GLYR1: variants seen among roughly 807,000 people sequenced by gnomAD.
The protein encoded by GLYR1 is glyoxylate reductase 1 homolog, also known as cytokine-like nuclear factor N-PAC.
A neutral mutation model predicts 72.7 loss-of-function variants in GLYR1; 21 were observed. That is an observed-to-expected ratio of 0.29 (90% CI 0.20 to 0.42). The LOEUF is 0.42. Among genes scored for constraint, GLYR1 ranks in the 10% least tolerant of loss-of-function variants. The probability of loss-of-function intolerance (pLI) is 1.00; values close to 1 mark genes in which losing one functional copy is unlikely to be tolerated. For missense variants in GLYR1, 594 were observed against 712.1 expected, an observed-to-expected ratio of 0.83 and a Z score of 1.89; for synonymous variants, 392 against 270.2, an observed-to-expected ratio of 1.45 and a Z score of -4.42.
In GLYR1 at chr16:4,846,207, C is replaced by A; in HGVS notation, c.42G>T (p.Gly14=). 1 of 1,613,888 alleles carries A rather than the reference C, an allele frequency of 6.2e-7. No homozygotes were observed. Among genetic ancestry groups the A allele is most frequent in the African/African-American group, 1.3e-5 (1 of 75,042 alleles). Residue 14 remains glycine, a synonymous_variant, in exon 2 of 16, where the codon GGG becomes GGT. Transcript: ENST00000321919. The stretch of plus-strand genomic sequence containing the variant: ...GCCAAGGAGGATATCGGCCGAGTTT[C>A]CCCCTAGAGAAAACACAAAGAGTCA... ...VSLRLGDLVW[G]KLGRYPPWPG...
chr16:4,817,067 C>T (rs1416537882), intron 10 of GLYR1, among the ~76,000 whole-genome samples: 2 of 151,366 alleles, frequency 1.3e-5, no homozygotes, highest in Non-Finnish European at 2.9e-5. Flanking sequence ...CCTCAGCCTC[C>T]TGAGTAACTG....
At chr16:4,811,842 C>G (rs953882624) in intron 13 of GLYR1, 40 bp from the exon 14 acceptor site, 1 of 1,586,052 alleles carries the variant, frequency 6.3e-7, no homozygotes, top group African/African-American at 1.3e-5. Context: ...CCCAAGAATG[C>G]CACAGACAGG....
intron 3 of GLYR1, chr16:4,843,560 G>T (rs1479823751): frequency 2.3e-6 from 3 of 1,289,092 alleles, no homozygotes; most frequent in Non-Finnish European, 3.0e-6. Context: ...GCCACCACAG[G>T]CTGCTAAGCT....
chr16:4,844,675 C>G (rs958764798), intron 3 of GLYR1, among the ~76,000 whole-genome samples: 1 of 152,192 alleles, frequency 6.6e-6, no homozygotes, highest in Admixed American at 6.5e-5. Flanking sequence ...GTGAGAGAAC[C>G]GCTTGAGTCA....
At chr16:4,828,284 T>A in intron 5 of GLYR1, among the ~76,000 whole-genome samples, 1 of 152,042 alleles carries the variant, frequency 6.6e-6, no homozygotes, top group Non-Finnish European at 1.5e-5. Flanking sequence ...TTAGCCAGGA[T>A]GGTCTCCATC....
intron 7 of GLYR1, 119 bp from the exon 8 acceptor site, chr16:4,821,716 C>T (rs1195147482): frequency 3.4e-6 from 3 of 870,594 alleles, no homozygotes; most frequent in Admixed American, 1.9e-5. Flanking sequence ...TTGTTTTATA[C>T]TTTAGTGAAC....
At chr16:4,844,879 G>T (rs963717185) in intron 3 of GLYR1, among the ~76,000 whole-genome samples, 195 bp downstream of exon 3, 1 of 152,166 alleles carries the variant, frequency 6.6e-6, no homozygotes, top group Non-Finnish European at 1.5e-5. Context: ...CTTAGTTATA[G>T]ACCTAGGACA....
At chr16:4,825,704 T>C (rs546377963) in intron 5 of GLYR1, among the ~76,000 whole-genome samples, 2 of 152,168 alleles carry the variant, frequency 1.3e-5, no homozygotes, top group East Asian at 3.9e-4. Context: ...CAGGCTGCAG[T>C]GCAGTGGCAC....
intron 15 of GLYR1, among the ~76,000 whole-genome samples, chr16:4,808,734 G>GT (rs1054674265): frequency 4.8e-4 from 72 of 148,584 alleles, no homozygotes; most frequent in Middle Eastern, 6.8e-3. Context: ...TTTTTCAGTT[G>GT]TTTTTTTTTT....
At chr16:4,841,538 G>C (rs148007864) in intron 3 of GLYR1, among the ~76,000 whole-genome samples, 2 of 149,124 alleles carry the variant, frequency 1.3e-5, no homozygotes, top group African/African-American at 5.0e-5. Flanking sequence ...CCAGCTACTC[G>C]GACTGCTGAG....
chr16:4,847,031 G>A (rs905318940), intron 1 of GLYR1, 197 bp downstream of exon 1: 35 of 570,304 alleles, frequency 6.1e-5, no homozygotes, highest in Admixed American at 9.9e-5. Flanking sequence ...TGCCCGACGT[G>A]GCCACCCTCG....
intron 10 of GLYR1, among the ~76,000 whole-genome samples, chr16:4,817,364 C>T (rs1253060823): frequency 1.3e-5 from 2 of 152,068 alleles, no homozygotes; most frequent in African/African-American, 4.8e-5. Flanking sequence ...CATGATCCGC[C>T]CGCCTCAGCC....
intron 6 of GLYR1, among the ~76,000 whole-genome samples, chr16:4,823,241 C>T (rs2075467): frequency 0.41 from 62,233 of 152,102 alleles, 12,900 homozygotes; most frequent in Admixed American, 0.49. Context: ...ATTCGGTACT[C>T]ATCAGGCACA....
At chr16:4,819,326 T>C (rs1449045860) in intron 9 of GLYR1, among the ~76,000 whole-genome samples, 1 of 152,168 alleles carries the variant, frequency 6.6e-6, no homozygotes, top group East Asian at 1.9e-4. Context: ...TTTCTTTTTT[T>C]AGTGACAGCA....
chr16:4,820,988 C>A (rs757745903), intron 9 of GLYR1, among the ~76,000 whole-genome samples: 5 of 152,270 alleles, frequency 3.3e-5, no homozygotes, highest in Non-Finnish European at 7.3e-5. Flanking sequence ...GTGGTTCTCA[C>A]AGCGTAGCTC....
chr16:4,836,149 T>C (rs1317588948), intron 3 of GLYR1, among the ~76,000 whole-genome samples: 1 of 152,108 alleles, frequency 6.6e-6, no homozygotes, highest in Non-Finnish European at 1.5e-5. Flanking sequence ...GCCTCAACAA[T>C]GCACCACTGT....
intron 3 of GLYR1, among the ~76,000 whole-genome samples, chr16:4,834,275 T>C (rs896738975): frequency 2.0e-5 from 3 of 149,744 alleles, no homozygotes; most frequent in Admixed American, 1.3e-4. Context: ...CAGCTCCAAC[T>C]AGAGGAGTTA....
In GLYR1 at chr16:4,845,032, A is replaced by G. The variant is rs538283659; in HGVS notation, c.155+42T>C. The G allele has an allele frequency of 5.9e-6, 8 of 1,355,138 alleles. No homozygotes were observed. The African/African-American group carries it at 1.1e-4, about 19-fold the overall frequency. The allele number at this position is 1,355,138 out of a possible 1,614,324, so 83.9% of individuals were successfully genotyped here. On this transcript the variant is annotated intron_variant, in intron 3 of 15. Coordinates refer to ENST00000321919, the MANE Select transcript of GLYR1 (RefSeq NM_032569.4). ...AAGCAGCTCAGACTCCAGGTAACAC[A>G]GAAAGAAAGGCGAAGGGAGACTCCT...
intron 5 of GLYR1, among the ~76,000 whole-genome samples, chr16:4,827,778 T>C (rs1213506456): frequency 6.6e-6 from 1 of 151,822 alleles, no homozygotes; most frequent in Non-Finnish European, 1.5e-5. Flanking sequence ...CGGGCACCTG[T>C]AGTCCCAGCT....
Sources: allele counts gnomAD v4.1 joint callset (sites outside exome capture counted in the v4.1 genomes callset), GRCh38; gene constraint gnomAD v4.1.1; transcripts MANE v1.5; gene names NCBI Gene and HGNC (gene_info 2026-07-23, HGNC 2026-07-21).